GABRB3: variants seen among roughly 807,000 people sequenced by gnomAD.
GABRB3 encodes the protein gamma-aminobutyric acid receptor subunit beta-3.
GABRB3 carries 14 observed loss-of-function variants against 52.1 expected under a neutral mutation model. The observed-to-expected ratio is 0.27, with a 90% CI of 0.18 to 0.42. The LOEUF (loss-of-function observed/expected upper bound fraction) is 0.42. GABRB3 is among the 10% of genes least tolerant of loss of function. The pLI, the probability that GABRB3 is intolerant of heterozygous loss-of-function variation, is 1.00. For missense variants in GABRB3, 307 were observed against 609.1 expected, an observed-to-expected ratio of 0.50 and a Z score of 5.22; for synonymous variants, 260 against 232.3, an observed-to-expected ratio of 1.12 and a Z score of -1.08.
chr15:26,707,050 T>A (rs961982496), intron 3 of GABRB3, among the ~76,000 whole-genome samples: 1 of 152,146 alleles, frequency 6.6e-6, no homozygotes, highest in Admixed American at 6.5e-5. Context: ...ACTCACACAA[T>A]CAACGGGAAA....
chr15:26,725,660 G>T (rs1425695319), intron 3 of GABRB3, among the ~76,000 whole-genome samples: 1 of 152,086 alleles, frequency 6.6e-6, no homozygotes, highest in East Asian at 1.9e-4. Flanking sequence ...GACCATAAGA[G>T]TTTCAAATTT....
intron 8 of GABRB3, among the ~76,000 whole-genome samples, chr15:26,559,733 A>G (rs1475903993): frequency 6.6e-6 from 1 of 152,214 alleles, no homozygotes; most frequent in African/African-American, 2.4e-5. Flanking sequence ...ATGTAACAGC[A>G]TTGCTGAGTT....
At chr15:26,681,253 T>C (rs1174326759) in intron 3 of GABRB3, among the ~76,000 whole-genome samples, 3 of 152,172 alleles carry the variant, frequency 2.0e-5, no homozygotes, top group African/African-American at 4.8e-5. Flanking sequence ...GAAGGGATGA[T>C]ATAATTTGCC....
chr15:26,609,291 A>G (rs1053267841), intron 4 of GABRB3, among the ~76,000 whole-genome samples: 1 of 152,156 alleles, frequency 6.6e-6, no homozygotes, highest in Non-Finnish European at 1.5e-5. Flanking sequence ...TTGAACTCAT[A>G]TAAGCAGAGA....
At chr15:26,583,063 C>G (rs1002847905) in intron 5 of GABRB3, among the ~76,000 whole-genome samples, 1 of 152,088 alleles carries the variant, frequency 6.6e-6, no homozygotes, top group Non-Finnish European at 1.5e-5. Flanking sequence ...AATAGCATCT[C>G]GGTGTTTGCT....
At chr15:26,575,127 A>C (rs963971275) in intron 6 of GABRB3, among the ~76,000 whole-genome samples, 3 of 152,230 alleles carry the variant, frequency 2.0e-5, no homozygotes, top group African/African-American at 7.2e-5. Context: ...GAGGTCTTAA[A>C]GGCAATTCAA....
chr15:26,554,114 AT>A (rs1752120146), intron 8 of GABRB3, among the ~76,000 whole-genome samples: 3 of 114,526 alleles, frequency 2.6e-5, no homozygotes, highest in African/African-American at 1.0e-4. Context: ...GTGTATATAT[AT>A]AAAGTGTGTG....
chr15:26,579,011 C>A (rs756855538), intron 6 of GABRB3, among the ~76,000 whole-genome samples: 4 of 152,178 alleles, frequency 2.6e-5, no homozygotes, highest in Non-Finnish European at 5.9e-5. Context: ...AGTGGCACTG[C>A]ATAGAAAAAG....
chr15:26,563,188 G>A (rs1238664151), intron 7 of GABRB3, among the ~76,000 whole-genome samples: 1 of 152,100 alleles, frequency 6.6e-6, no homozygotes, highest in African/African-American at 2.4e-5. Context: ...CACAGGCCTC[G>A]GCAGATGTCC....
rs151094807 is a variant in GABRB3 at position 26,562,172 on chromosome 15, C to T, written c.836-996G>A. 1.9e-4 allele frequency among the ~76,000 whole-genome samples: 29 copies of T among 152,262 alleles called. No individual in the cohort carries two copies. In the East Asian group the frequency reaches 4.7e-3, roughly 24 times the overall value. ...GAGCTTGTGGAGTTAAGTTACGCTG[C>T]GCTTACAGGAAAGGCACGGATCACT... On this transcript the variant is annotated intron_variant, in intron 7 of 8. Coordinates refer to ENST00000311550, the MANE Select transcript of GABRB3 (RefSeq NM_000814.6).
At chr15:26,566,625 T>C (rs1194483285) in intron 7 of GABRB3, among the ~76,000 whole-genome samples, 4 of 151,530 alleles carry the variant, frequency 2.6e-5, no homozygotes, top group Non-Finnish European at 5.9e-5. Flanking sequence ...GTCCAGGAGG[T>C]AGAGTTGAGA....
At chr15:26,566,279 A>T (rs149509642) in intron 7 of GABRB3, among the ~76,000 whole-genome samples, 1 of 152,284 alleles carries the variant, frequency 6.6e-6, no homozygotes, top group East Asian at 1.9e-4. Context: ...TGATTTTCTC[A>T]AGCCATAATT....
chr15:26,610,517 T>C (rs566526732), intron 4 of GABRB3, among the ~76,000 whole-genome samples: 2 of 152,332 alleles, frequency 1.3e-5, no homozygotes, highest in South Asian at 4.1e-4. Flanking sequence ...CAGAATTTGA[T>C]AAGCTGATAT....
intron 4 of GABRB3, among the ~76,000 whole-genome samples, chr15:26,620,668 A>C (rs1363228698): frequency 6.6e-6 from 1 of 152,242 alleles, no homozygotes; most frequent in Non-Finnish European, 1.5e-5. Flanking sequence ...GCAAGGTGAT[A>C]TTCAAAATAA....
At chr15:26,701,099 G>T (rs1197868621) in intron 3 of GABRB3, among the ~76,000 whole-genome samples, 1 of 151,960 alleles carries the variant, frequency 6.6e-6, no homozygotes, top group Admixed American at 6.6e-5. Context: ...GAAGAGAAGA[G>T]GACTTTCTCA....
At chr15:26,636,954 CTGGGTCCT>C (rs1022852917) in intron 3 of GABRB3, among the ~76,000 whole-genome samples, 15 of 152,194 alleles carry the variant, frequency 9.9e-5, no homozygotes, top group African/African-American at 3.6e-4. Context: ...GGTGTCCTAA[CTGGGTCCT>C]TGCACTCTTC....
At chr15:26,765,747 T>C (rs952337284) in intron 3 of GABRB3, among the ~76,000 whole-genome samples, 3 of 152,140 alleles carry the variant, frequency 2.0e-5, no homozygotes. Flanking sequence ...CCAAAGAACA[T>C]TTAACACTAT....
At chr15:26,731,283 A>G (rs560934489) in intron 3 of GABRB3, among the ~76,000 whole-genome samples, 1 of 152,364 alleles carries the variant, frequency 6.6e-6, no homozygotes, top group South Asian at 2.1e-4. Flanking sequence ...ATACATACTT[A>G]CTACAATGAG....
At chr15:26,628,877 C>A (rs1892815234) in intron 3 of GABRB3, 2 of 1,251,816 alleles carry the variant, frequency 1.6e-6, no homozygotes, top group Non-Finnish European at 2.2e-6. Context: ...AACGGAGGCT[C>A]TCAGGCCTTG....
Sources: gnomAD v4.1 joint callset for allele counts (sites outside exome capture counted in the v4.1 genomes callset) on GRCh38, gnomAD v4.1.1 for gene constraint, MANE v1.5 for transcripts, NCBI Gene and HGNC (gene_info 2026-07-23, HGNC 2026-07-21) for gene names.